ELOC: variants seen among roughly 807,000 people sequenced by gnomAD.
The protein encoded by ELOC is elongin C.
For synonymous variants in ELOC, 40 were observed against 51.3 expected (o/e 0.78, Z 0.94); for missense variants, 38 against 139.0 (o/e 0.27, Z 3.65).
At chr8:73,971,661 C>T (rs774727621) in intron 1 of ELOC, among the ~76,000 whole-genome samples, 1 of 151,862 alleles carries the variant, frequency 6.6e-6, no homozygotes, top group Non-Finnish European at 1.5e-5. Context: ...GTAAACTTCT[C>T]GGGTACTGCA....
At chr8:73,955,695 G>A in intron 3 of ELOC, 1 of 543,708 alleles carries the variant, frequency 1.8e-6, no homozygotes. Context: ...AACCCAGCAG[G>A]CGGAGATTGC....
intron 2 of ELOC, 97 bp downstream of exon 2, chr8:73,959,668 A>T: frequency 9.8e-7 from 1 of 1,024,992 alleles, no homozygotes; most frequent in Non-Finnish European, 1.4e-6. Context: ...ATTTCAGTCT[A>T]CTGAAATTTT....
intron 1 of ELOC, chr8:73,969,610 CTCA>C (rs1469516304): frequency 6.6e-6 from 1 of 152,178 alleles, no homozygotes; most frequent in Non-Finnish European, 1.5e-5. Flanking sequence ...CTTTTAAATC[CTCA>C]TCATTTAGGT....
At chr8:73,960,261 G>A (rs185617724) in intron 1 of ELOC, among the ~76,000 whole-genome samples, 267 of 152,208 alleles carry the variant, frequency 1.8e-3, no homozygotes, top group Non-Finnish European at 2.3e-3. Flanking sequence ...AAAGGCCTCC[G>A]TTGAAAATCC....
chr8:73,962,792 A>G (rs963921309), intron 1 of ELOC, among the ~76,000 whole-genome samples: 3 of 152,238 alleles, frequency 2.0e-5, no homozygotes, highest in African/African-American at 2.4e-5. Context: ...ATTTTATACA[A>G]CAGAGATTAA....
chr8:73,959,207 A>G (rs1814421435), intron 2 of ELOC, among the ~76,000 whole-genome samples: 1 of 152,148 alleles, frequency 6.6e-6, no homozygotes, highest in South Asian at 2.1e-4. Context: ...CAGACTTCAT[A>G]AGTACTGTAC....
intron 1 of ELOC, among the ~76,000 whole-genome samples, chr8:73,964,280 C>G (rs530988850): frequency 6.8e-6 from 1 of 147,616 alleles, no homozygotes; most frequent in East Asian, 2.0e-4. Context: ...GCACAGATTT[C>G]CTGAATCCTT....
At chr8:73,965,491 A>T (rs1814912510) in intron 1 of ELOC, among the ~76,000 whole-genome samples, 1 of 152,234 alleles carries the variant, frequency 6.6e-6, no homozygotes, top group African/African-American at 2.4e-5. Flanking sequence ...AAGAATATAA[A>T]AATACTACAC....
At chr8:73,956,080 ATTTT>A in intron 2 of ELOC, 26 bp from the exon 3 acceptor site, 1 of 1,603,370 alleles carries the variant, frequency 6.2e-7, no homozygotes, top group Non-Finnish European at 8.5e-7. Context: ...TAGTGAAACA[ATTTT>A]TGAGTCACAC....
chr8:73,957,255 G>C (rs1453438350), intron 2 of ELOC, among the ~76,000 whole-genome samples: 2 of 151,734 alleles, frequency 1.3e-5, no homozygotes, highest in African/African-American at 4.8e-5. Context: ...CAAAATATTG[G>C]TCTTTAAAAA....
At chr8:73,959,099 C>T (rs1178857534) in intron 2 of ELOC, among the ~76,000 whole-genome samples, 2 of 152,134 alleles carry the variant, frequency 1.3e-5, no homozygotes, top group African/African-American at 4.8e-5. Flanking sequence ...ATAGGGCACT[C>T]ACGATGAATG....
chr8:73,948,868 CA>C (rs1230529247), intron 3 of ELOC, among the ~76,000 whole-genome samples: 4 of 152,124 alleles, frequency 2.6e-5, no homozygotes, highest in Admixed American at 2.6e-4. Flanking sequence ...AGCAAGCAAG[CA>C]AGCAAGCAAG....
chr8:73,956,926 C>A (rs568600333), intron 2 of ELOC, among the ~76,000 whole-genome samples: 12 of 152,076 alleles, frequency 7.9e-5, no homozygotes, highest in Non-Finnish European at 1.6e-4. Flanking sequence ...TGGATCACGA[C>A]GTCAGGAGAT....
intron 3 of ELOC, among the ~76,000 whole-genome samples, chr8:73,951,987 T>C (rs890442540): frequency 1.3e-5 from 2 of 152,168 alleles, no homozygotes; most frequent in African/African-American, 4.8e-5. Flanking sequence ...GATCTCTTAC[T>C]TCACAGCATA....
At chr8:73,956,938 G>A (rs1814231651) in intron 2 of ELOC, among the ~76,000 whole-genome samples, 2 of 151,842 alleles carry the variant, frequency 1.3e-5, no homozygotes, top group Non-Finnish European at 2.9e-5. Flanking sequence ...TCAGGAGATC[G>A]AGACCATCCT....
intron 3 of ELOC, among the ~76,000 whole-genome samples, chr8:73,953,503 C>A (rs540035022): frequency 6.6e-6 from 1 of 151,684 alleles, no homozygotes; most frequent in South Asian, 2.1e-4. Context: ...ATGGAGAAAC[C>A]CCGTCTCCAC....
intron 1 of ELOC, among the ~76,000 whole-genome samples, chr8:73,963,557 A>C (rs1294605988): frequency 1.3e-5 from 2 of 152,190 alleles, no homozygotes; most frequent in Non-Finnish European, 2.9e-5. Flanking sequence ...ATAAGTTTTA[A>C]TAGTTTTTCA....
At chr8:73,954,431 G>A (rs1255020355) in intron 3 of ELOC, among the ~76,000 whole-genome samples, 2 of 152,072 alleles carry the variant, frequency 1.3e-5, no homozygotes, top group African/African-American at 2.4e-5. Context: ...GGCTGAGGCA[G>A]GCGGATCACA....
intron 1 of ELOC, among the ~76,000 whole-genome samples, chr8:73,962,575 CA>C (rs71561555): frequency 0.44 from 63,987 of 146,134 alleles, 14,491 homozygotes; most frequent in Admixed American, 0.55. Flanking sequence ...AAAAACAAAA[CA>C]AAAAAAAAAA....
Sources: gnomAD v4.1 joint callset for allele counts (sites outside exome capture counted in the v4.1 genomes callset) on GRCh38, gnomAD v4.1.1 for gene constraint, MANE v1.5 for transcripts, NCBI Gene and HGNC (gene_info 2026-07-23, HGNC 2026-07-21) for gene names.